The following DNER variants were observed in gnomAD, a reference collection of about 807,000 sequenced individuals.
The protein encoded by DNER is delta and Notch-like epidermal growth factor-related receptor.
A neutral mutation model predicts 78.2 loss-of-function variants in DNER; 33 were observed. The observed-to-expected ratio is 0.42, with a 90% CI of 0.32 to 0.56. The LOEUF (loss-of-function observed/expected upper bound fraction) is 0.56. Ranked by LOEUF, DNER falls within the 20% of genes least tolerant of loss-of-function variation. DNER has a pLI of 0.11. For missense variants in DNER, 918 were observed against 975.3 expected (o/e 0.94, Z 0.78); for synonymous variants, 417 against 384.8 (o/e 1.08, Z -0.98).
chr2:229,472,766 T>C (rs1446397195), intron 7 of DNER, among the ~76,000 whole-genome samples: 3 of 152,222 alleles, frequency 2.0e-5, no homozygotes, highest in Admixed American at 1.3e-4. Flanking sequence ...ATTCATGATA[T>C]TTCACTTTTA....
chr2:229,651,765 T>A (rs1244072371), intron 1 of DNER, among the ~76,000 whole-genome samples: 1 of 152,152 alleles, frequency 6.6e-6, no homozygotes, highest in Non-Finnish European at 1.5e-5. Flanking sequence ...GTCCCTGGAT[T>A]TCAAAAAGGA....
intron 5 of DNER, among the ~76,000 whole-genome samples, chr2:229,530,905 G>C (rs1035413567): frequency 1.3e-5 from 2 of 152,128 alleles, no homozygotes; most frequent in African/African-American, 4.8e-5. Context: ...GATTATTCTT[G>C]CAGTACAAGG....
rs545316715 is a variant in DNER at position 229,360,541 on chromosome 2, T to C, written c.2103-1890A>G. ...CATTCTCCTGCCTCAGCTTCCCGAG[T>C]AGCTGGGACTACAGGCGCCCGCCAC... is the stretch of plus-strand genomic sequence containing the variant. On this transcript the variant is annotated intron_variant, in intron 12 of 12. Coordinates refer to ENST00000341772, the MANE Select transcript of DNER (RefSeq NM_139072.4). Among the ~76,000 whole-genome samples the C allele has an allele frequency of 3.9e-5, 6 of 152,194 alleles. No individual in the cohort carries two copies. The East Asian group carries it at 1.2e-3, about 29-fold the overall frequency.
intron 11 of DNER, among the ~76,000 whole-genome samples, chr2:229,380,626 C>A (rs905702811): frequency 6.6e-6 from 1 of 151,874 alleles, no homozygotes; most frequent in Non-Finnish European, 1.5e-5. Flanking sequence ...AGTTCCAAAA[C>A]AATTGAAAAC....
At chr2:229,650,618 G>A (rs991778591) in intron 1 of DNER, among the ~76,000 whole-genome samples, 72 of 151,958 alleles carry the variant, frequency 4.7e-4, no homozygotes, top group African/African-American at 1.4e-3. Context: ...CTCCATGAAC[G>A]ACCACCACCC....
chr2:229,579,381 C>T (rs966628958), intron 4 of DNER, among the ~76,000 whole-genome samples: 12 of 152,292 alleles, frequency 7.9e-5, no homozygotes, highest in Admixed American at 3.3e-4. Flanking sequence ...TAAACTAATA[C>T]GGAACTGAGT....
At chr2:229,365,025 T>C (rs1480242083) in intron 12 of DNER, among the ~76,000 whole-genome samples, 2 of 152,008 alleles carry the variant, frequency 1.3e-5, no homozygotes, top group African/African-American at 4.8e-5. Flanking sequence ...TTATGATACA[T>C]TTAGGTAGAT....
At chr2:229,571,225 T>C (rs2154214019) in intron 4 of DNER, among the ~76,000 whole-genome samples, 1 of 152,188 alleles carries the variant, frequency 6.6e-6, no homozygotes, top group African/African-American at 2.4e-5. Flanking sequence ...AAGTTAAGGA[T>C]GATGCCCAGG....
chr2:229,617,593 T>A (rs1036254966), intron 1 of DNER, among the ~76,000 whole-genome samples: 1 of 152,242 alleles, frequency 6.6e-6, no homozygotes, highest in Non-Finnish European at 1.5e-5. Context: ...AGTCATTTAT[T>A]TCCATACTTC....
At chr2:229,657,397 A>T (rs1044559468) in intron 1 of DNER, among the ~76,000 whole-genome samples, 1 of 152,170 alleles carries the variant, frequency 6.6e-6, no homozygotes, top group Non-Finnish European at 1.5e-5. Context: ...GTCAATGAGC[A>T]TTTAGGTTGG....
intron 1 of DNER, among the ~76,000 whole-genome samples, chr2:229,687,957 C>G (rs1000742291): frequency 2.6e-5 from 4 of 152,202 alleles, no homozygotes; most frequent in Admixed American, 6.5e-5. Flanking sequence ...AGTTGGCCAG[C>G]AAGTGTTTGG....
At chr2:229,429,920 A>G (rs1693969857) in intron 8 of DNER, among the ~76,000 whole-genome samples, 1 of 152,172 alleles carries the variant, frequency 6.6e-6, no homozygotes, top group Admixed American at 6.5e-5. Flanking sequence ...TTCACTGCTC[A>G]ATATTTGATT....
chr2:229,599,784 C>T (rs1484413379), intron 1 of DNER, among the ~76,000 whole-genome samples: 2 of 152,024 alleles, frequency 1.3e-5, no homozygotes, highest in African/African-American at 4.8e-5. Context: ...GCGAAAAGGG[C>T]AAAGAAATAA....
chr2:229,614,798 A>G (rs1371732081), intron 1 of DNER, among the ~76,000 whole-genome samples: 1 of 152,224 alleles, frequency 6.6e-6, no homozygotes, highest in Admixed American at 6.5e-5. Flanking sequence ...ATGGCTGGTT[A>G]GAGAAATCAA....
intron 7 of DNER, among the ~76,000 whole-genome samples, chr2:229,448,773 T>G (rs534956981): frequency 4.6e-5 from 7 of 152,334 alleles, no homozygotes; most frequent in African/African-American, 1.7e-4. Context: ...GTTTGAAAAT[T>G]AAATATTATT....
intron 1 of DNER, among the ~76,000 whole-genome samples, chr2:229,702,396 C>T (rs1025791629): frequency 5.3e-5 from 8 of 151,924 alleles, no homozygotes; most frequent in African/African-American, 1.7e-4. Context: ...ATTAGCCAAG[C>T]GTGGTGGTGC....
At chr2:229,623,490 C>T (rs1698286728) in intron 1 of DNER, among the ~76,000 whole-genome samples, 1 of 152,186 alleles carries the variant, frequency 6.6e-6, no homozygotes, top group Admixed American at 6.5e-5. Flanking sequence ...TTCCAAGATC[C>T]CTGCCCCCAG....
At chr2:229,594,586 C>CAA (rs67869133) in intron 1 of DNER, among the ~76,000 whole-genome samples, 1 of 148,348 alleles carries the variant, frequency 6.7e-6, no homozygotes, top group African/African-American at 2.6e-5. Flanking sequence ...GACTCCATCT[C>CAA]AAAAAAAAAA....
At chr2:229,583,353 G>A (rs1353098190) in intron 4 of DNER, among the ~76,000 whole-genome samples, 1 of 152,198 alleles carries the variant, frequency 6.6e-6, no homozygotes, top group Non-Finnish European at 1.5e-5. Flanking sequence ...ACATTGACCA[G>A]CAGATGGGCA....
Sources: allele counts gnomAD v4.1 joint callset (sites outside exome capture counted in the v4.1 genomes callset), GRCh38; gene constraint gnomAD v4.1.1; transcripts MANE v1.5; gene names NCBI Gene and HGNC (gene_info 2026-07-23, HGNC 2026-07-21).